Variants in TMEM47 observed in about 807,000 individuals in gnomAD.
The protein encoded by TMEM47 is transmembrane protein 47.
A neutral mutation model predicts 12.4 loss-of-function variants in TMEM47; 3 were observed. The ratio of observed to expected loss-of-function variants is 0.24; its 90% CI spans 0.11 to 0.63. The LOEUF (loss-of-function observed/expected upper bound fraction) is 0.63. TMEM47 is among the 20% of genes least tolerant of loss of function. The probability of loss-of-function intolerance (pLI) is 0.86; values close to 1 mark genes in which losing one functional copy is unlikely to be tolerated. For synonymous variants in TMEM47, 62 were observed against 63.3 expected, an observed-to-expected ratio of 0.98 and a Z score of 0.10; for missense variants, 89 against 143.8, an observed-to-expected ratio of 0.62 and a Z score of 1.95.
rs191228729 is a variant in TMEM47, at chrX:34,646,002, C to T, written c.227-6615G>A. ...GACTGCCTCCAAAGTATAGTGCTAA[C>T]CTGATTTTAAACTACAGACATAAAT... On this transcript the variant is annotated intron_variant, in intron 1 of 2. Transcript: ENST00000275954. 2.2e-3 allele frequency among the ~76,000 whole-genome samples: 247 copies of T among 111,087 alleles called. 1 individual carries two copies. Among genetic ancestry groups the T allele is most frequent in the African/African-American group, 7.8e-3 (238 of 30,653 alleles).
chrX:34,630,716 C>T (rs1569162227), intron 2 of TMEM47, among the ~76,000 whole-genome samples: 1 of 109,897 alleles, frequency 9.1e-6, no homozygotes, highest in Non-Finnish European at 1.9e-5. Context: ...ATTAGTAAAT[C>T]ATTATTAGTA....
At chrX:34,632,728 G>A (rs1354171132) in intron 2 of TMEM47, among the ~76,000 whole-genome samples, 1 of 111,542 alleles carries the variant, frequency 9.0e-6, no homozygotes, top group Non-Finnish European at 1.9e-5. Flanking sequence ...AAAGGTTTTG[G>A]TTGTTGTTAG....
Position 34,657,255 on chromosome X carries a change from G to C in TMEM47, c.-226C>G. On this transcript the variant is annotated 5_prime_UTR_variant, in exon 1 of 3. Transcript: ENST00000275954. ...CCGCAGCGACGTCGATTCCACCCCG[G>C]ACCTTCGCCGCCGGCCCCGCGCCGC... The C allele has an allele frequency of 7.9e-6, 3 of 377,380 alleles. No individual in the cohort carries two copies. Among genetic ancestry groups the C allele is most frequent in the Non-Finnish European group, 1.1e-5 (3 of 263,630 alleles). The allele number at this position is 377,380 out of a possible 1,213,427, so 31.1% of individuals were successfully genotyped here. A position where few individuals can be genotyped will look rare whatever the true frequency, so the allele number is the denominator to read the frequency against.
At chrX:34,644,723 C>G (rs1296104503) in intron 1 of TMEM47, among the ~76,000 whole-genome samples, 1 of 111,665 alleles carries the variant, frequency 9.0e-6, no homozygotes, top group East Asian at 2.8e-4. Flanking sequence ...AGTTTTTAAC[C>G]TCATAAACAG....
chrX:34,637,412 G>T (rs1189454527), intron 2 of TMEM47, among the ~76,000 whole-genome samples: 1 of 110,794 alleles, frequency 9.0e-6, no homozygotes, highest in Admixed American at 9.7e-5. Context: ...AAAACCCTTA[G>T]AGTATATTTT....
chrX:34,649,019 T>C (rs377283932), intron 1 of TMEM47, among the ~76,000 whole-genome samples: 1 of 112,079 alleles, frequency 8.9e-6, no homozygotes, highest in African/African-American at 3.2e-5. Context: ...CCAGTCAGAA[T>C]GGCTTCTATT....
At chrX:34,632,056 G>A (rs1921634986) in intron 2 of TMEM47, among the ~76,000 whole-genome samples, 1 of 111,432 alleles carries the variant, frequency 9.0e-6, no homozygotes, top group East Asian at 2.8e-4. Context: ...ATTCATTTAC[G>A]TATTTTCTAT....
Position 34,628,089 on chromosome X carries a change from C to T in TMEM47, c.*2224G>A, listed in dbSNP as rs1284434950. The T allele has an allele frequency of 1.8e-5, 2 of 111,579 alleles. No individual in the cohort carries two copies. The highest frequency in any genetic ancestry group is 9.6e-5 in the Admixed American group (1 of 10,434). 9.2% of individuals were successfully genotyped at this position (111,579 alleles called of 1,213,427 possible). On this transcript the variant is annotated 3_prime_UTR_variant, in exon 3 of 3. Coordinates refer to ENST00000275954, the MANE Select transcript of TMEM47 (RefSeq NM_031442.4). Reference sequence around the variant, plus strand: ...CAGAGAATGAAAACTTGATAAGACTCGAGATGTGATGATATTGGTTTAACA... The same window carrying T: ...CAGAGAATGAAAACTTGATAAGACTTGAGATGTGATGATATTGGTTTAACA...
chrX:34,645,655 C>T (rs1337989970), intron 1 of TMEM47, among the ~76,000 whole-genome samples: 2 of 111,511 alleles, frequency 1.8e-5, no homozygotes, highest in Non-Finnish European at 3.8e-5. Flanking sequence ...GATGTAGACA[C>T]AAAGAAAGGC....
At chrX:34,633,727 G>A (rs767799425) in intron 2 of TMEM47, among the ~76,000 whole-genome samples, 4 of 111,208 alleles carry the variant, frequency 3.6e-5, no homozygotes, top group South Asian at 7.6e-4. Flanking sequence ...TCATTTCAAC[G>A]TGTTTTATTT....
chrX:34,638,028 G>A (rs930319938), intron 2 of TMEM47, among the ~76,000 whole-genome samples: 1 of 110,704 alleles, frequency 9.0e-6, no homozygotes. Context: ...TTTTGAAATT[G>A]TGCTTTCTAC....
chrX:34,639,674 C>T (rs1233684026), intron 1 of TMEM47, among the ~76,000 whole-genome samples: 1 of 111,722 alleles, frequency 9.0e-6, no homozygotes, highest in African/African-American at 3.3e-5. Flanking sequence ...CCTCCATGAC[C>T]TATTTTCAAT....
chrX:34,642,727 C>T (rs1024439684), intron 1 of TMEM47, among the ~76,000 whole-genome samples: 3 of 112,022 alleles, frequency 2.7e-5, no homozygotes, highest in Admixed American at 9.5e-5. Flanking sequence ...GATATGACTG[C>T]TCAAACAGAA....
chrX:34,634,611 T>C (rs1211068781), intron 2 of TMEM47, among the ~76,000 whole-genome samples: 1 of 112,106 alleles, frequency 8.9e-6, no homozygotes, highest in Non-Finnish European at 1.9e-5. Flanking sequence ...AGTAGAGGCA[T>C]GCATGTTTGT....
At chrX:34,646,704 G>C (rs1228521633) in intron 1 of TMEM47, among the ~76,000 whole-genome samples, 3 of 111,121 alleles carry the variant, frequency 2.7e-5, no homozygotes, top group Non-Finnish European at 3.8e-5. Context: ...CTTCCTCTAA[G>C]CAACTAAAGT....
At chrX:34,634,571 T>A (rs1921680937) in intron 2 of TMEM47, among the ~76,000 whole-genome samples, 1 of 112,175 alleles carries the variant, frequency 8.9e-6, no homozygotes, top group African/African-American at 3.2e-5. Flanking sequence ...GGCACACAAG[T>A]AATTATAAAT....
intron 1 of TMEM47, among the ~76,000 whole-genome samples, chrX:34,649,825 A>C (rs1203766193): frequency 9.0e-6 from 1 of 111,722 alleles, no homozygotes; most frequent in Non-Finnish European, 1.9e-5. Context: ...TCCCGGGTTC[A>C]AGCGATTCTC....
chrX:34,642,517 C>T (rs1921837043), intron 1 of TMEM47, among the ~76,000 whole-genome samples: 1 of 111,567 alleles, frequency 9.0e-6, no homozygotes, highest in South Asian at 3.8e-4. Context: ...AGAAAAAGAA[C>T]CTCCTATAGC....
intron 1 of TMEM47, among the ~76,000 whole-genome samples, chrX:34,643,159 A>T (rs1921847355): frequency 3.6e-5 from 4 of 111,313 alleles, no homozygotes; most frequent in Admixed American, 1.9e-4. Flanking sequence ...GCCAGTTACC[A>T]TTTCCCTCTC....
Sources: allele counts gnomAD v4.1 joint callset (sites outside exome capture counted in the v4.1 genomes callset), GRCh38; gene constraint gnomAD v4.1.1; transcripts MANE v1.5; gene names NCBI Gene and HGNC (gene_info 2026-07-23, HGNC 2026-07-21).